The following SRFBP1 variants were observed in gnomAD, a reference collection of about 807,000 sequenced individuals.
SRFBP1 encodes the protein serum response factor binding protein 1.
A neutral mutation model predicts 45.5 loss-of-function variants in SRFBP1; 47 were observed. That is an observed-to-expected ratio of 1.03 (90% CI 0.82 to 1.32). SRFBP1 has a LOEUF of 1.32. Among genes scored for constraint, SRFBP1 ranks in the 40% most tolerant of loss-of-function variants. The probability of loss-of-function intolerance (pLI) is 0.00; values close to 1 mark genes in which losing one functional copy is unlikely to be tolerated. For synonymous variants in SRFBP1, 203 were observed against 166.3 expected (o/e 1.22, Z -1.70); for missense variants, 621 against 484.6 (o/e 1.28, Z -2.64).
chr5:122,049,573 A>G (rs1209516556), intron 2 of SRFBP1, among the ~76,000 whole-genome samples: 2 of 152,168 alleles, frequency 1.3e-5, no homozygotes, highest in South Asian at 2.1e-4. Flanking sequence ...CAGAATATAC[A>G]TTCTTCTCAG....
At chr5:122,059,488 C>G (rs1013780535) in intron 2 of SRFBP1, among the ~76,000 whole-genome samples, 4 of 152,096 alleles carry the variant, frequency 2.6e-5, no homozygotes, top group African/African-American at 9.7e-5. Context: ...GTCACTCCTG[C>G]ACACATCTCC....
chr5:121,986,205 AAAGG>A (rs1315105542), intron 3 of SRFBP1, among the ~76,000 whole-genome samples: 1 of 151,990 alleles, frequency 6.6e-6, no homozygotes, highest in Middle Eastern at 3.2e-3. Context: ...TATCAAGAAG[AAAGG>A]AAGAATTAAC....
downstream of SRFBP1, among the ~76,000 whole-genome samples, chr5:122,030,254 T>A (rs1046769602): frequency 1.2e-4 from 18 of 152,268 alleles, no homozygotes; most frequent in Admixed American, 1.1e-3. Flanking sequence ...CAAGAAGTAT[T>A]TACTAAAGAA....
rs538801539 is a variant in SRFBP1 at position 122,014,141 on chromosome 5, T to C, written c.271-5119T>C. ...CATGTGTCAATATCACTTTGTACTC[T>C]ATAAGTGTCTAAAATTATTGTCAAA... On this transcript the variant is annotated intron_variant, in intron 4 of 7. Transcript: ENST00000339397. 2.4e-4 allele frequency among the ~76,000 whole-genome samples: 37 copies of C among 152,296 alleles called. No individual in the cohort carries two copies. The South Asian group carries it at 6.6e-3, about 27-fold the overall frequency.
At chr5:122,067,964 G>A (rs3792802) in intron 2 of SRFBP1, among the ~76,000 whole-genome samples, 39,825 of 151,832 alleles carry the variant, frequency 0.26, 6,711 homozygotes, top group African/African-American at 0.48. Flanking sequence ...AAGTCAAAAT[G>A]TAAGAAGCAA....
At chr5:122,034,529 T>C (rs189354283) in intron 2 of SRFBP1, among the ~76,000 whole-genome samples, 46 of 152,254 alleles carry the variant, frequency 3.0e-4, no homozygotes, top group African/African-American at 9.9e-4. Context: ...ATACCAGTTA[T>C]TGAGTTTTCC....
At chr5:122,011,837 G>A (rs1753100593) in intron 4 of SRFBP1, among the ~76,000 whole-genome samples, 1 of 152,020 alleles carries the variant, frequency 6.6e-6, no homozygotes, top group Non-Finnish European at 1.5e-5. Context: ...CAGTAACCCA[G>A]TGCAGTAAGC....
chr5:122,016,387 G>A (rs1012265781), intron 4 of SRFBP1, among the ~76,000 whole-genome samples: 2 of 152,116 alleles, frequency 1.3e-5, no homozygotes, highest in South Asian at 2.1e-4. Context: ...CCCTAGGTTG[G>A]AAATTCTTTT....
At chr5:122,044,639 C>T (rs1182816754) in intron 2 of SRFBP1, among the ~76,000 whole-genome samples, 2 of 151,964 alleles carry the variant, frequency 1.3e-5, no homozygotes, top group African/African-American at 4.8e-5. Context: ...TGCTTGTTGG[C>T]TGCATGTATG....
Position 122,057,568 on chromosome 5 carries a change from C to A in SRFBP1, n.312-17747C>A, listed in dbSNP as rs1344356044. ...TCTCAAACTCCTGTCCTCAAGTGAT[C>A]CTCCCTCCTCAGTCTCCCAAAGTGT... On this transcript the variant is annotated intron_variant and non_coding_transcript_variant, in intron 2 of 2. Coordinates refer to the SRFBP1 transcript ENST00000504881. Among the ~76,000 whole-genome samples, 7 of 151,154 alleles carry A rather than the reference C, an allele frequency of 4.6e-5. No homozygotes were observed. The East Asian group carries it at 1.4e-3, about 29-fold the overall frequency.
At chr5:122,012,111 C>T (rs189328746) in intron 4 of SRFBP1, among the ~76,000 whole-genome samples, 1 of 152,036 alleles carries the variant, frequency 6.6e-6, no homozygotes, top group Non-Finnish European at 1.5e-5. Flanking sequence ...TAGCTTGTTC[C>T]TAATTGGCTA....
chr5:122,066,826 T>G (rs1033524795), intron 2 of SRFBP1: 1 of 943,840 alleles, frequency 1.1e-6, no homozygotes, highest in Non-Finnish European at 1.7e-6. Context: ...AAATTTAAAG[T>G]CAACCTTTTA....
intron 4 of SRFBP1, among the ~76,000 whole-genome samples, chr5:122,002,698 A>G (rs1163696804): frequency 6.6e-6 from 1 of 152,138 alleles, no homozygotes; most frequent in East Asian, 1.9e-4. Context: ...AATATTGCGA[A>G]TATTGAGAAT....
intron 2 of SRFBP1, among the ~76,000 whole-genome samples, chr5:122,042,455 G>C (rs1753787270): frequency 6.6e-6 from 1 of 151,980 alleles, no homozygotes; most frequent in Non-Finnish European, 1.5e-5. Context: ...ATCTTGCTAT[G>C]TTGCCCAGGC....
At chr5:122,010,684 T>A (rs575435293) in intron 4 of SRFBP1, among the ~76,000 whole-genome samples, 5 of 150,232 alleles carry the variant, frequency 3.3e-5, no homozygotes, top group Non-Finnish European at 5.9e-5. Flanking sequence ...ATTCTGTATG[T>A]ATGTATGTGT....
chr5:122,066,625 C>G (rs907865584), intron 2 of SRFBP1: 19 of 824,390 alleles, frequency 2.3e-5, no homozygotes, highest in Non-Finnish European at 3.8e-5. Context: ...AACAAAAATT[C>G]TTTTGTTGTT....
At chr5:122,012,107 G>T (rs1408011802) in intron 4 of SRFBP1, among the ~76,000 whole-genome samples, 1 of 152,212 alleles carries the variant, frequency 6.6e-6, no homozygotes, top group African/African-American at 2.4e-5. Context: ...GTTCTAGCTT[G>T]TTCCTAATTG....
intron 2 of SRFBP1, among the ~76,000 whole-genome samples, chr5:122,071,578 A>G (rs1754454667): frequency 6.6e-6 from 1 of 152,184 alleles, no homozygotes; most frequent in Non-Finnish European, 1.5e-5. Context: ...TGCTTTTAAG[A>G]ATGTTATAGT....
intron 2 of SRFBP1, among the ~76,000 whole-genome samples, chr5:122,045,927 T>TA (rs1753848091): frequency 6.6e-6 from 1 of 152,194 alleles, no homozygotes; most frequent in African/African-American, 2.4e-5. Context: ...CATCCTTGTC[T>TA]TTGCCTGCTT....
Sources: gnomAD v4.1 joint callset for allele counts (sites outside exome capture counted in the v4.1 genomes callset) on GRCh38, gnomAD v4.1.1 for gene constraint, MANE v1.5 for transcripts, NCBI Gene and HGNC (gene_info 2026-07-23, HGNC 2026-07-21) for gene names.